Variants in ACACB observed in about 807,000 individuals in gnomAD.
ACACB encodes acetyl-CoA carboxylase 2.
Under a neutral mutation model 278.8 loss-of-function variants are expected in ACACB, and 209 were observed. That is an observed-to-expected ratio of 0.75 (90% CI 0.67 to 0.84). The LOEUF (loss-of-function observed/expected upper bound fraction) is 0.84, where lower values mean the gene tolerates loss of function less well. Ranked by LOEUF, ACACB falls within the 40% of genes least tolerant of loss-of-function variation. ACACB has a pLI of 0.00. For synonymous variants in ACACB, 1,174 were observed against 1,285.6 expected, an observed-to-expected ratio of 0.91 and a Z score of 1.86; for missense variants, 2,850 against 3,269.0, an observed-to-expected ratio of 0.87 and a Z score of 3.13.
chr12:109,121,187 G>A (rs1356986413), intron 1 of ACACB, among the ~76,000 whole-genome samples: 4 of 152,122 alleles, frequency 2.6e-5, no homozygotes, highest in Non-Finnish European at 4.4e-5. Context: ...TGATCTGCCC[G>A]CCTAGGCCTC....
At chr12:109,253,787 C>T (rs1007221965) in intron 43 of ACACB, among the ~76,000 whole-genome samples, 17 of 152,174 alleles carry the variant, frequency 1.1e-4, no homozygotes, top group Non-Finnish European at 5.9e-5. Flanking sequence ...TCCAGATCTT[C>T]TGCCAAGAAC....
intron 21 of ACACB, among the ~76,000 whole-genome samples, chr12:109,211,593 G>A (rs1311822990): frequency 1.3e-5 from 2 of 152,138 alleles, no homozygotes; most frequent in Non-Finnish European, 2.9e-5. Context: ...GAATAGGCAC[G>A]TTCATGAAGA....
In ACACB at chr12:109,233,819, C is replaced by A. The variant is rs763451255; in HGVS notation, c.4211C>A (p.Thr1404Asn). ...KDTPLFSEAR[T>N]SLYSEDDCKS... The stretch of plus-strand genomic sequence containing the variant: ...ACCCCCCTCTTCAGCGAGGCCCGCA[C>A]CTCCCTATACTCCGAGGATGACTGC... Residue 1404 changes from threonine to asparagine, a missense_variant, in exon 30 of 53, where the codon ACC becomes AAC. Around this residue, in one of 3 missense-constraint regions of ACACB, gnomAD observed 2,265 missense variants for 2,561.3 expected, o/e 0.88. Transcript: ENST00000338432. The A allele has an allele frequency of 6.2e-7, 1 of 1,614,224 alleles. No homozygotes were observed. The highest frequency in any genetic ancestry group is 1.7e-4 in the Middle Eastern group (1 of 6,060).
chr12:109,161,023 C>G (rs2043706111), intron 2 of ACACB, among the ~76,000 whole-genome samples: 1 of 152,100 alleles, frequency 6.6e-6, no homozygotes, highest in Non-Finnish European at 1.5e-5. Flanking sequence ...GCCAGCCAGT[C>G]AGGGAAGGTC....
intron 3 of ACACB, 25 bp from the exon 4 acceptor site, chr12:109,167,871 G>A (rs750791232): frequency 3.1e-6 from 5 of 1,613,634 alleles, no homozygotes; most frequent in Non-Finnish European, 4.2e-6. Context: ...TGCATCTACA[G>A]CTCCTTCCTT....
chr12:109,167,619 G>GTGTATATATATATATATA (rs2043954381), intron 3 of ACACB, among the ~76,000 whole-genome samples: 2 of 61,142 alleles, frequency 3.3e-5, no homozygotes, highest in South Asian at 5.2e-4. Context: ...ATATATGTAT[G>GTGTATATATATATATATA]TGTATATATA....
chr12:109,254,261 C>T lies in ACACB; in HGVS notation c.6093C>T (p.Asp2031=), dbSNP rs1002314071. ...TCATCACACCCACTGACCCCATTGA[C>T]AGAGAAATTGAATTCCTCCCATCCA... ...VPIITPTDPI[D]REIEFLPSRA... is the part of the protein sequence containing the mutation. Residue 2031 remains aspartate, a synonymous_variant, in exon 44 of 53, where the codon GAC becomes GAT. Transcript: ENST00000338432. The T allele has an allele frequency of 6.2e-7, 1 of 1,613,936 alleles. No individual in the cohort carries two copies. Among genetic ancestry groups the T allele is most frequent in the Non-Finnish European group, 8.5e-7 (1 of 1,179,890 alleles).
rs2044269263 is a variant in ACACB, at chr12:109,175,966, C to T, written c.1252C>T (p.Gln418Ter). Residue 418 changes from glutamine (Q) to a stop codon, truncating the protein, a stop_gained, in exon 8 of 53, where the codon CAG becomes TAG. Transcript: ENST00000338432. LOFTEE classifies it high-confidence loss of function. Reference protein sequence around the residue: ...TVEWTEDDLQQGKRISVPEDV... With the variant: ...TVEWTEDDLQ ...GGAGTGGACAGAAGATGATCTGCAG[C>T]AGGGAAAAAGAATCAGTGTCCCAGA... 1 of 1,614,068 alleles carries T rather than the reference C, an allele frequency of 6.2e-7. No homozygotes were observed. The highest frequency in any genetic ancestry group is 8.5e-7 in the Non-Finnish European group (1 of 1,180,002).
chr12:109,261,172 T>A (rs1037565848), intron 48 of ACACB, among the ~76,000 whole-genome samples: 22 of 152,224 alleles, frequency 1.4e-4, no homozygotes, highest in Non-Finnish European at 4.4e-5. Flanking sequence ...CAGTGACTGA[T>A]GACTTTGAAG....
At chr12:109,162,339 A>C (rs2043755254) in intron 2 of ACACB, among the ~76,000 whole-genome samples, 1 of 152,140 alleles carries the variant, frequency 6.6e-6, no homozygotes, top group Non-Finnish European at 1.5e-5. Context: ...CTTAAGGCTG[A>C]GTCCTAATGG....
intron 36 of ACACB, 160 bp from the exon 37 acceptor site, chr12:109,242,277 T>C: frequency 1.4e-6 from 1 of 711,016 alleles, no homozygotes; most frequent in Non-Finnish European, 2.3e-6. Flanking sequence ...TCCACAGTGG[T>C]GAAGAAGGGA....
rs535663467 is a variant in ACACB at position 109,242,600 on chromosome 12, C to T, written c.5178+8C>T. 11 of 1,613,736 alleles carry T rather than the reference C, an allele frequency of 6.8e-6. No individual in the cohort carries two copies. Among genetic ancestry groups the T allele is most frequent in the Middle Eastern group, 1.6e-4 (1 of 6,080 alleles). ...CCGGAAATGTTCAGGCAGGCAAGTC[C>T]GGCGGCTCAGACGCGGTACCCCCTG... On this transcript the variant is annotated splice_region_variant and intron_variant, in intron 37 of 52. Transcript: ENST00000338432.
intron 2 of ACACB, among the ~76,000 whole-genome samples, chr12:109,162,830 G>T (rs2043774991): frequency 6.6e-6 from 1 of 152,190 alleles, no homozygotes; most frequent in African/African-American, 2.4e-5. Context: ...TGAGCTCAGG[G>T]TCAACCAGGT....
At chr12:109,125,250 A>G (rs915145678) in intron 1 of ACACB, 4 of 152,136 alleles carry the variant, frequency 2.6e-5, no homozygotes, top group Non-Finnish European at 4.4e-5. Flanking sequence ...ATGTGTTTCA[A>G]TCCACTGCAG....
At chr12:109,189,714 C>T (rs757137814) in intron 13 of ACACB, among the ~76,000 whole-genome samples, 1 of 152,252 alleles carries the variant, frequency 6.6e-6, no homozygotes, top group Non-Finnish European at 1.5e-5. Flanking sequence ...CTATGGATAC[C>T]CTTGTATGAC....
chr12:109,252,201 G>C, intron 42 of ACACB, 45 bp downstream of exon 42: 2 of 1,389,788 alleles, frequency 1.4e-6, no homozygotes, highest in Non-Finnish European at 2.0e-6. Flanking sequence ...TGGGGGCCAG[G>C]AGTCATTTTA....
Position 109,139,551 on chromosome 12 carries a change from C to T in ACACB, c.146C>T (p.Pro49Leu), listed in dbSNP as rs1033644454. The T allele has an allele frequency of 6.2e-7, 1 of 1,614,054 alleles. No individual in the cohort carries two copies. The highest frequency in any genetic ancestry group is 8.5e-7 in the Non-Finnish European group (1 of 1,180,012). The change falls in exon 2 of 53, where the codon CCA (proline) becomes CTA (leucine). Residue 49 changes from proline (P) to leucine (L), a missense_variant. Physicochemically the swap from Pro to Leu is moderately conservative, Grantham distance 98 (BLOSUM62 -3). Around this residue, in one of 3 missense-constraint regions of ACACB, gnomAD observed 2,265 missense variants for 2,561.3 expected, o/e 0.88. Coordinates refer to ENST00000338432, the MANE Select transcript of ACACB (RefSeq NM_001093.4). ...ANLIPSQEPFPASDNSGETPQ... is the reference protein window; with the variant it reads ...ANLIPSQEPFLASDNSGETPQ... ...CTCATCCCGAGCCAGGAGCCCTTTC[C>T]AGCCTCTGATAACTCAGGGGAGACA...
In ACACB at chr12:109,139,663, T is replaced by G. The variant is rs922357415; in HGVS notation, c.258T>G (p.Gly86=). Reference sequence around the variant, plus strand: ...CCCACAAAGGCCCCAAAGATGCCGGTCGGCGGAGAAACTCCCTACCACCCT... The same window carrying G: ...CCCACAAAGGCCCCAAAGATGCCGGGCGGCGGAGAAACTCCCTACCACCCT... ...PASHKGPKDA[G]RRRNSLPPSH... Residue 86 remains glycine (G), a synonymous_variant, in exon 2 of 53, where the codon GGT becomes GGG. Coordinates refer to ENST00000338432, the MANE Select transcript of ACACB (RefSeq NM_001093.4). 6.2e-7 allele frequency: 1 copy of G among 1,613,844 alleles called. No individual in the cohort carries two copies. The highest frequency in any genetic ancestry group is 8.5e-7 in the Non-Finnish European group (1 of 1,179,950).
At position 109,175,915 on chromosome 12, in the gene ACACB, C is replaced by G. The variant is rs758013717; in HGVS notation, c.1217-16C>G. 2 of 1,612,140 alleles carry G rather than the reference C, an allele frequency of 1.2e-6. No homozygotes were observed. Among genetic ancestry groups the G allele is most frequent in the East Asian group, 2.2e-5 (1 of 44,872 alleles). ...CCTGGATTTGGGAGGAATCAGGTTT[C>G]TTTGTGACTCTCCAGGCCTGACAGT... On this transcript the variant is annotated splice_polypyrimidine_tract_variant and intron_variant, in intron 7 of 52. Coordinates refer to ENST00000338432, the MANE Select transcript of ACACB (RefSeq NM_001093.4).
Sources: allele counts gnomAD v4.1 joint callset (sites outside exome capture counted in the v4.1 genomes callset), GRCh38; gene constraint gnomAD v4.1.1; regional missense constraint gnomAD v4.1.1; transcripts MANE v1.5; gene names NCBI Gene and HGNC (gene_info 2026-07-23, HGNC 2026-07-21).